NELL2: variants seen among roughly 807,000 people sequenced by gnomAD.
NELL2 encodes protein kinase C-binding protein NELL2.
A neutral mutation model predicts 109.6 loss-of-function variants in NELL2; 41 were observed. That is an observed-to-expected ratio of 0.37 (90% confidence interval 0.29 to 0.49). NELL2 has a LOEUF of 0.49. NELL2 is among the 20% of genes least tolerant of loss of function. The pLI is 0.98. For missense variants in NELL2, 900 were observed against 1,008.3 expected (o/e 0.89, Z 1.45); for synonymous variants, 355 against 344.7 (o/e 1.03, Z -0.33).
chr12:44,681,271 C>A (rs1323684254), intron 12 of NELL2, among the ~76,000 whole-genome samples: 1 of 146,064 alleles, frequency 6.8e-6, no homozygotes, highest in Non-Finnish European at 1.5e-5. Flanking sequence ...CAGTTTTTGA[C>A]TAGTTTTGTT....
At chr12:44,863,109 G>A (rs925162125) in intron 2 of NELL2, among the ~76,000 whole-genome samples, 1 of 149,086 alleles carries the variant, frequency 6.7e-6, no homozygotes, top group Non-Finnish European at 1.5e-5. Flanking sequence ...CCCACCCCAC[G>A]ACAGGCCCCA....
chr12:44,668,640 C>A (rs1017057356), intron 12 of NELL2, among the ~76,000 whole-genome samples: 5 of 151,976 alleles, frequency 3.3e-5, no homozygotes, highest in Non-Finnish European at 7.4e-5. Flanking sequence ...GGTATAGGCC[C>A]GCCATGCCTG....
chr12:44,683,031 T>C (rs1421944728), intron 12 of NELL2, among the ~76,000 whole-genome samples: 1 of 152,222 alleles, frequency 6.6e-6, no homozygotes, highest in African/African-American at 2.4e-5. Context: ...TTTCATGATA[T>C]TGATTCTTCC....
At chr12:44,891,088 C>T (rs537329102) in intron 1 of NELL2, among the ~76,000 whole-genome samples, 2 of 152,290 alleles carry the variant, frequency 1.3e-5, no homozygotes, top group South Asian at 2.1e-4. Context: ...TCTATCGCTG[C>T]CCCTCCAGGT....
At chr12:44,535,135 C>G (rs1321591903) in intron 15 of NELL2, among the ~76,000 whole-genome samples, 1 of 151,916 alleles carries the variant, frequency 6.6e-6, no homozygotes, top group South Asian at 2.1e-4. Flanking sequence ...CAAGCATGTG[C>G]CTGCCCATAA....
At chr12:44,679,207 G>C (rs571793528) in intron 12 of NELL2, among the ~76,000 whole-genome samples, 11 of 152,250 alleles carry the variant, frequency 7.2e-5, no homozygotes, top group Admixed American at 1.3e-4. Context: ...AAGGAAGAAA[G>C]GGTGGAAGTA....
intron 13 of NELL2, among the ~76,000 whole-genome samples, chr12:44,652,471 C>G (rs1947337462): frequency 6.6e-6 from 1 of 152,100 alleles, no homozygotes; most frequent in African/African-American, 2.4e-5. Context: ...ATGGAAAAAG[C>G]AACTCAATCA....
chr12:44,908,526 G>T (rs2136889229), intron 1 of NELL2, among the ~76,000 whole-genome samples: 1 of 152,066 alleles, frequency 6.6e-6, no homozygotes, highest in Admixed American at 6.6e-5. Context: ...GAGTGAGGAA[G>T]AATGGAAGAC....
chr12:44,734,897 T>C (rs1939559507), intron 9 of NELL2, among the ~76,000 whole-genome samples: 1 of 152,110 alleles, frequency 6.6e-6, no homozygotes. Flanking sequence ...TTTCTTTATT[T>C]CATTCTTGAA....
At chr12:44,736,559 A>G (rs1462354319) in intron 9 of NELL2, among the ~76,000 whole-genome samples, 7 of 152,234 alleles carry the variant, frequency 4.6e-5, no homozygotes, top group African/African-American at 1.4e-4. Flanking sequence ...AGAATTGTAC[A>G]TATGTGCTTT....
chr12:44,703,695 C>G (rs1182721926), intron 12 of NELL2, 31 bp downstream of exon 12: 2 of 1,610,298 alleles, frequency 1.2e-6, no homozygotes, highest in Non-Finnish European at 1.7e-6. Flanking sequence ...AAAATTTATA[C>G]AGCTGAGCTA....
chr12:44,884,961 C>T (rs1945453576), intron 1 of NELL2, among the ~76,000 whole-genome samples: 1 of 151,960 alleles, frequency 6.6e-6, no homozygotes, highest in Non-Finnish European at 1.5e-5. Context: ...AGATTATATT[C>T]AGTCTATCCA....
intron 9 of NELL2, among the ~76,000 whole-genome samples, chr12:44,773,892 G>C (rs1941646947): frequency 1.3e-5 from 1 of 78,152 alleles, no homozygotes; most frequent in Non-Finnish European, 2.9e-5. Flanking sequence ...GTAGCACATT[G>C]CTACTGTCTT....
chr12:44,579,002 C>A (rs1944221771), intron 15 of NELL2, among the ~76,000 whole-genome samples: 1 of 152,092 alleles, frequency 6.6e-6, no homozygotes, highest in African/African-American at 2.4e-5. Flanking sequence ...TTACTTTATT[C>A]AATTCAGGTT....
chr12:44,834,047 T>C (rs1943970590), intron 2 of NELL2, among the ~76,000 whole-genome samples: 1 of 152,230 alleles, frequency 6.6e-6, no homozygotes, highest in African/African-American at 2.4e-5. Context: ...GATGATAATA[T>C]GGGCATTTCC....
At chr12:44,767,992 G>A (rs2136566259) in intron 9 of NELL2, among the ~76,000 whole-genome samples, 1 of 152,298 alleles carries the variant, frequency 6.6e-6, no homozygotes, top group South Asian at 2.1e-4. Context: ...GAATGGTAGA[G>A]TTAAACTACT....
At chr12:44,556,396 T>C (rs879384256) in intron 15 of NELL2, among the ~76,000 whole-genome samples, 6 of 152,138 alleles carry the variant, frequency 3.9e-5, no homozygotes, top group Non-Finnish European at 8.8e-5. Flanking sequence ...TCAAGATCTA[T>C]GAGCAGCATG....
At chr12:44,912,297 A>G (rs1472647127) in intron 1 of NELL2, among the ~76,000 whole-genome samples, 1 of 152,120 alleles carries the variant, frequency 6.6e-6, no homozygotes, top group African/African-American at 2.4e-5. Context: ...GTTACTTGCC[A>G]AAGCATATTC....
At chr12:44,750,689 G>A (rs1286928524) in intron 9 of NELL2, among the ~76,000 whole-genome samples, 2 of 152,052 alleles carry the variant, frequency 1.3e-5, no homozygotes, top group Non-Finnish European at 1.5e-5. Flanking sequence ...AACAGTGCGG[G>A]TCAAAGCGTT....
Sources: allele counts gnomAD v4.1 joint callset (sites outside exome capture counted in the v4.1 genomes callset), GRCh38; gene constraint gnomAD v4.1.1; transcripts MANE v1.5; gene names NCBI Gene and HGNC (gene_info 2026-07-23, HGNC 2026-07-21).